The following EVL variants were observed in gnomAD, a reference collection of about 807,000 sequenced individuals.
EVL encodes Enah/Vasp-like.
A neutral mutation model predicts 59.6 loss-of-function variants in EVL; 21 were observed. The ratio of observed to expected loss-of-function variants is 0.35; its 90% CI spans 0.25 to 0.51. The LOEUF is 0.51. EVL is among the 20% of genes least tolerant of loss of function. The pLI is 0.97. For missense variants in EVL, 462 were observed against 546.6 expected (o/e 0.85, Z 1.54); for synonymous variants, 198 against 203.5 (o/e 0.97, Z 0.23).
chr14:100,046,723 A>T, intron 1 of EVL, among the ~76,000 whole-genome samples: 1 of 150,234 alleles, frequency 6.7e-6, no homozygotes, highest in Admixed American at 6.6e-5. Flanking sequence ...CCTGGGCTAA[A>T]CGTCAGGAGG....
chr14:99,998,509 C>G lies in EVL; in HGVS notation c.5+26452C>G, dbSNP rs145069166. On this transcript the variant is annotated intron_variant, in intron 1 of 13. Transcript: ENST00000402714. Reference sequence around the variant, plus strand: ...TGCTGGGAGGAGATACATACACACACACATATATATACATGTCTGCATCTA... The same window carrying G: ...TGCTGGGAGGAGATACATACACACAGACATATATATACATGTCTGCATCTA... Among the ~76,000 whole-genome samples, 19 of 152,208 alleles carry G rather than the reference C, an allele frequency of 1.2e-4. No individual in the cohort carries two copies. The East Asian group carries it at 3.7e-3, about 29-fold the overall frequency.
intron 1 of EVL, among the ~76,000 whole-genome samples, chr14:100,077,392 A>G (rs2062185906): frequency 6.6e-6 from 1 of 152,240 alleles, no homozygotes; most frequent in Non-Finnish European, 1.5e-5. Context: ...CCATTCCTTG[A>G]AATGGGAAAC....
At chr14:100,031,456 C>T (rs747859417) in intron 1 of EVL, among the ~76,000 whole-genome samples, 19 of 152,194 alleles carry the variant, frequency 1.2e-4, no homozygotes, top group Non-Finnish European at 2.6e-4. Context: ...CATGTGTGAG[C>T]TTTCATAATC....
chr14:100,089,194 A>T (rs1176208984), intron 2 of EVL, among the ~76,000 whole-genome samples: 1 of 152,260 alleles, frequency 6.6e-6, no homozygotes, highest in Non-Finnish European at 1.5e-5. Flanking sequence ...ATAGTTGGAG[A>T]TTCTAATCAT....
At chr14:100,021,003 G>A (rs2061114512) in intron 1 of EVL, among the ~76,000 whole-genome samples, 1 of 152,210 alleles carries the variant, frequency 6.6e-6, no homozygotes, top group Non-Finnish European at 1.5e-5. Flanking sequence ...AATGTCTGGC[G>A]TGTTACAGTA....
At chr14:99,976,043 T>C (rs748239808) in intron 1 of EVL, among the ~76,000 whole-genome samples, 3 of 152,024 alleles carry the variant, frequency 2.0e-5, no homozygotes, top group Non-Finnish European at 4.4e-5. Context: ...TTGTTTTTTA[T>C]TTTTATTATT....
intron 2 of EVL, among the ~76,000 whole-genome samples, chr14:100,095,306 A>G (rs1036278761): frequency 1.2e-4 from 19 of 152,312 alleles, no homozygotes; most frequent in African/African-American, 4.3e-4. Flanking sequence ...TAGAAATGCA[A>G]CACCAAAAAT....
intron 2 of EVL, among the ~76,000 whole-genome samples, chr14:100,090,671 G>GTCA (rs2062546112): frequency 1.3e-5 from 2 of 152,176 alleles, no homozygotes; most frequent in Admixed American, 6.5e-5. Flanking sequence ...AAACCGTAAG[G>GTCA]TCATCTCACA....
chr14:100,020,646 G>C (rs570713169), intron 1 of EVL, among the ~76,000 whole-genome samples: 1 of 152,026 alleles, frequency 6.6e-6, no homozygotes, highest in Non-Finnish European at 1.5e-5. Flanking sequence ...ATGTTGCTGC[G>C]GTAGACATTA....
At chr14:100,028,526 C>CT (rs1318205810) in intron 1 of EVL, among the ~76,000 whole-genome samples, 4 of 152,022 alleles carry the variant, frequency 2.6e-5, no homozygotes, top group African/African-American at 9.7e-5. Flanking sequence ...AAATAACAAT[C>CT]TATCGGCCGG....
At chr14:100,020,481 GCA>G (rs142607516) in intron 1 of EVL, among the ~76,000 whole-genome samples, 1,525 of 150,834 alleles carry the variant, frequency 0.01, 28 homozygotes, top group African/African-American at 0.036. Flanking sequence ...GTGTGTGCAC[GCA>G]CACACACACA....
At chr14:100,013,325 G>A (rs2061028686) in intron 1 of EVL, among the ~76,000 whole-genome samples, 1 of 152,242 alleles carries the variant, frequency 6.6e-6, no homozygotes, top group African/African-American at 2.4e-5. Flanking sequence ...TTTTGGTCAG[G>A]AGGGCAACTC....
At chr14:100,080,741 C>G (rs200850371) in intron 1 of EVL, among the ~76,000 whole-genome samples, 1 of 152,126 alleles carries the variant, frequency 6.6e-6, no homozygotes, top group Non-Finnish European at 1.5e-5. Context: ...TGTTAGATCC[C>G]AGGGGGGAAA....
intron 1 of EVL, among the ~76,000 whole-genome samples, chr14:100,046,753 C>CTTTT (rs759300292): frequency 7.5e-6 from 1 of 132,562 alleles, no homozygotes; most frequent in African/African-American, 2.8e-5. Flanking sequence ...CTTTTTCTTT[C>CTTTT]TTTTTTTTTT....
intron 2 of EVL, among the ~76,000 whole-genome samples, chr14:100,087,097 T>C (rs994583967): frequency 6.6e-6 from 1 of 152,262 alleles, no homozygotes; most frequent in Non-Finnish European, 1.5e-5. Context: ...ATGCTCTTTA[T>C]GGTTAATGGA....
chr14:100,075,183 A>T (rs1350453894), intron 1 of EVL, among the ~76,000 whole-genome samples: 1 of 152,236 alleles, frequency 6.6e-6, no homozygotes, highest in Non-Finnish European at 1.5e-5. Context: ...CTTCTGAACT[A>T]GCAAGTGATG....
chr14:100,103,126 T>C (rs1595181842), intron 3 of EVL, among the ~76,000 whole-genome samples: 1 of 142,824 alleles, frequency 7.0e-6, no homozygotes, highest in African/African-American at 2.6e-5. Context: ...AAGACACAAA[T>C]CAGAGGCAAG....
intron 1 of EVL, among the ~76,000 whole-genome samples, chr14:100,048,795 T>A (rs2061599142): frequency 6.6e-6 from 1 of 152,220 alleles, no homozygotes. Flanking sequence ...ACAGCTCGGA[T>A]GAATCTCAAA....
At chr14:100,058,751 T>G (rs1434161293) in intron 1 of EVL, among the ~76,000 whole-genome samples, 3 of 152,170 alleles carry the variant, frequency 2.0e-5, no homozygotes, top group African/African-American at 7.2e-5. Context: ...AGGGTTGGAA[T>G]CCCTATCTCA....
Sources: allele counts gnomAD v4.1 joint callset (sites outside exome capture counted in the v4.1 genomes callset), GRCh38; gene constraint gnomAD v4.1.1; transcripts MANE v1.5; gene names NCBI Gene and HGNC (gene_info 2026-07-23, HGNC 2026-07-21).